ZNF83: variants seen among roughly 807,000 people sequenced by gnomAD.
The protein encoded by ZNF83 is zinc finger protein 816B.
For synonymous variants in ZNF83, 209 were observed against 213.0 expected (o/e 0.98, Z 0.17); for missense variants, 552 against 629.9 (o/e 0.88, Z 1.32).
At chr19:52,616,681 T>TA (rs1191942447) in intron 2 of ZNF83, 1 of 151,984 alleles carries the variant, frequency 6.6e-6, no homozygotes, top group African/African-American at 2.4e-5. Flanking sequence ...CCGTCTCTAC[T>TA]AAAAATACAA....
chr19:52,637,281 T>C (rs1433844938), intron 1 of ZNF83, among the ~76,000 whole-genome samples: 2 of 152,128 alleles, frequency 1.3e-5, no homozygotes, highest in Non-Finnish European at 2.9e-5. Flanking sequence ...TTCCCTGTTA[T>C]ACCCCCTGTC....
intron 2 of ZNF83, among the ~76,000 whole-genome samples, chr19:52,632,184 A>C (rs1175551422): frequency 6.6e-6 from 1 of 152,158 alleles, no homozygotes; most frequent in African/African-American, 2.4e-5. Context: ...AGCAGACCAG[A>C]CTTTATTAGT....
At chr19:52,653,921 G>A (rs924593752) in intron 3 of ZNF83, 4 of 1,029,770 alleles carry the variant, frequency 3.9e-6, no homozygotes, top group Admixed American at 3.9e-5. Flanking sequence ...TCTCTCATGT[G>A]TTCTTCCTGG....
At chr19:52,688,140 C>T (rs2062079267) in intron 1 of ZNF83, among the ~76,000 whole-genome samples, 1 of 152,032 alleles carries the variant, frequency 6.6e-6, no homozygotes, top group Admixed American at 6.6e-5. Context: ...AGCCAATAAA[C>T]TCACCTACTC....
At chr19:52,643,957 C>G (rs2061340460) in intron 3 of ZNF83, among the ~76,000 whole-genome samples, 1 of 152,264 alleles carries the variant, frequency 6.6e-6, no homozygotes, top group East Asian at 1.9e-4. Flanking sequence ...AGGGCAAGTT[C>G]CCAGGAGGAA....
Position 52,680,814 on chromosome 19 carries a change from G to A in ZNF83, c.-283+9629C>T, listed in dbSNP as rs554126086. Among the ~76,000 whole-genome samples the A allele has an allele frequency of 1.5e-4, 23 of 149,018 alleles. No individual in the cohort carries two copies. The South Asian group carries it at 1.7e-3, about 11-fold the overall frequency. ...TTTTTAGTAGAGACGGGGTTTCACC[G>A]TGTTAGCCAGGATGGTCTCGATCTC... is the stretch of plus-strand genomic sequence containing the variant. On this transcript the variant is annotated intron_variant, in intron 1 of 5. Transcript: ENST00000594682.
At chr19:52,668,381 GTCTA>G (rs1488094004) in intron 1 of ZNF83, among the ~76,000 whole-genome samples, 1 of 152,164 alleles carries the variant, frequency 6.6e-6, no homozygotes, top group Admixed American at 6.6e-5. Context: ...GGAAAGCTTA[GTCTA>G]TCTATCTTTT....
rs67463602 is a variant in ZNF83, at chr19:52,683,228, C to CTGTGTG, written c.-283+7209_-283+7214dup. Among the ~76,000 whole-genome samples, 735 of 128,008 alleles carry CTGTGTG rather than the reference C, an allele frequency of 5.7e-3. 7 individuals are homozygous for CTGTGTG. The highest frequency in any genetic ancestry group is 0.038 in the East Asian group (176 of 4,572). The allele number at this position is 128,008 out of a possible 152,430, so 84.0% of individuals were successfully genotyped here. On this transcript the variant is annotated intron_variant, in intron 1 of 5. Coordinates refer to the ZNF83 transcript ENST00000594682. Reference sequence around the variant, plus strand: ...TCAGCTCCTCAGCTGCCCTGTGACTCTGTGTGTGTGTGTGTGTGTGTGTGT... The same window carrying CTGTGTG: ...TCAGCTCCTCAGCTGCCCTGTGACTCTGTGTGTGTGTGTGTGTGTGTGTGTGTGTGT...
At chr19:52,688,305 G>T (rs1411503192) in intron 1 of ZNF83, among the ~76,000 whole-genome samples, 2 of 151,946 alleles carry the variant, frequency 1.3e-5, no homozygotes, top group East Asian at 3.9e-4. Flanking sequence ...AGAGTAGCTG[G>T]GATTACAGGT....
exon 3 of ZNF83, chr19:52,614,392 C>A: frequency 6.2e-7 from 1 of 1,613,160 alleles, no homozygotes; most frequent in South Asian, 1.1e-5. Flanking sequence ...AGAAGAAATA[C>A]GTTGGGGTGG....
chr19:52,629,145 C>G (rs1020550057), intron 2 of ZNF83, among the ~76,000 whole-genome samples: 1 of 152,064 alleles, frequency 6.6e-6, no homozygotes, highest in Non-Finnish European at 1.5e-5. Flanking sequence ...TCTGCAATGC[C>G]GCTGGACCCC....
Position 52,648,459 on chromosome 19 carries a change from A to AG in ZNF83, c.-74+7101_-74+7102insC, listed in dbSNP as rs1478930182. On this transcript the variant is annotated intron_variant, in intron 3 of 5. Coordinates refer to the ZNF83 transcript ENST00000594682. Reference sequence around the variant, plus strand: ...TCCAGAACAAAGTGAAGGAAAAAAAAAAGAGAGAGAGAGAGAAAGACAAAT... The same window carrying AG: ...TCCAGAACAAAGTGAAGGAAAAAAAAGAAGAGAGAGAGAGAGAAAGACAAAT... 5.1e-3 allele frequency among the ~76,000 whole-genome samples: 777 copies of AG among 152,220 alleles called. 5 individuals carry two copies. The highest frequency in any genetic ancestry group is 0.016 in the African/African-American group (685 of 41,528).
chr19:52,618,414 C>T (rs2060397514), intron 2 of ZNF83: 1 of 155,268 alleles, frequency 6.4e-6, no homozygotes, highest in African/African-American at 2.4e-5. Flanking sequence ...TGCCCACCAC[C>T]ACACCCGGCT....
At chr19:52,654,057 T>C in intron 3 of ZNF83, 1 of 1,591,776 alleles carries the variant, frequency 6.3e-7, no homozygotes, top group Non-Finnish European at 8.6e-7. Context: ...ACTTCTCCAC[T>C]TGATTATCAA....
chr19:52,676,709 G>A (rs1263186502), intron 1 of ZNF83, among the ~76,000 whole-genome samples: 3 of 137,894 alleles, frequency 2.2e-5, no homozygotes, highest in Admixed American at 1.4e-4. Context: ...GGAAAAGATT[G>A]AGAAATCGGA....
exon 3 of ZNF83, chr19:52,655,584 T>G: frequency 2.7e-6 from 4 of 1,502,642 alleles, no homozygotes; most frequent in East Asian, 2.3e-5. Context: ...GTTCCTGTAG[T>G]TCTCCAACAT....
intron 1 of ZNF83, among the ~76,000 whole-genome samples, chr19:52,669,719 A>T (rs185824508): frequency 6.6e-6 from 1 of 152,316 alleles, no homozygotes; most frequent in African/African-American, 2.4e-5. Flanking sequence ...GGAAAAGAAT[A>T]GTAGCCTCAA....
At chr19:52,616,712 G>A (rs62118479) in intron 2 of ZNF83, 55,749 of 151,842 alleles carry the variant, frequency 0.37, 10,425 homozygotes, top group Middle Eastern at 0.49. Context: ...GCATGGTGGC[G>A]CATACCTGTA....
intron 3 of ZNF83, chr19:52,654,001 C>A (rs748191435): frequency 1.3e-6 from 2 of 1,515,374 alleles, no homozygotes; most frequent in Non-Finnish European, 9.1e-7. Context: ...TTTGAGCCTA[C>A]AAGAAATTCT....
Sources: gnomAD v4.1 joint callset for allele counts (sites outside exome capture counted in the v4.1 genomes callset) on GRCh38, gnomAD v4.1.1 for gene constraint, MANE v1.5 for transcripts, NCBI Gene and HGNC (gene_info 2026-07-23, HGNC 2026-07-21) for gene names.